The following RIOX2 variants were observed in gnomAD, a reference collection of about 807,000 sequenced individuals.
The protein encoded by RIOX2 is ribosomal oxygenase 2.
A neutral mutation model predicts 51.2 loss-of-function variants in RIOX2; 43 were observed. The observed-to-expected ratio is 0.84, with a 90% confidence interval of 0.66 to 1.08. RIOX2 has a LOEUF of 1.08. Among genes scored for constraint, RIOX2 ranks in the 50% least tolerant of loss-of-function variants. The probability of loss-of-function intolerance (pLI) is 0.00; values close to 1 mark genes in which losing one functional copy is unlikely to be tolerated. For synonymous variants in RIOX2, 226 were observed against 218.5 expected, an observed-to-expected ratio of 1.03 and a Z score of -0.30; for missense variants, 566 against 561.7, an observed-to-expected ratio of 1.01 and a Z score of -0.08.
chr3:97,968,959 T>C (rs1013640428), intron 1 of RIOX2, among the ~76,000 whole-genome samples: 1 of 152,254 alleles, frequency 6.6e-6, no homozygotes, highest in Non-Finnish European at 1.5e-5. Flanking sequence ...GTAGACTAAG[T>C]GGAATTAATG....
At chr3:97,956,844 T>G (rs1037540125) in intron 4 of RIOX2, among the ~76,000 whole-genome samples, 5 of 152,196 alleles carry the variant, frequency 3.3e-5, no homozygotes, top group African/African-American at 1.2e-4. Context: ...TCAATCCTCA[T>G]AGCCTGCAAG....
At position 97,962,173 on chromosome 3, in the gene RIOX2, A is replaced by T. The variant is rs140180114; in HGVS notation, c.433-465T>A. Among the ~76,000 whole-genome samples, 250 of 152,302 alleles carry T rather than the reference A, an allele frequency of 1.6e-3. 2 individuals are homozygous for T. Among genetic ancestry groups the T allele is most frequent in the Non-Finnish European group, 2.6e-3 (175 of 68,018 alleles). Reference sequence around the variant, plus strand: ...GTGGGATGCACTCTAGAAGCAGCACAGACAGGACTTGCCGACAGACTCAAT... The same window carrying T: ...GTGGGATGCACTCTAGAAGCAGCACTGACAGGACTTGCCGACAGACTCAAT... On this transcript the variant is annotated intron_variant, in intron 2 of 9. Coordinates refer to ENST00000394198, the MANE Select transcript of RIOX2 (RefSeq NM_153182.4).
chr3:97,943,190 A>C lies in RIOX2; in HGVS notation c.*1994T>G. On this transcript the variant is annotated 3_prime_UTR_variant, in exon 10 of 10. Coordinates refer to ENST00000394198, the MANE Select transcript of RIOX2 (RefSeq NM_153182.4). ...TGTGAAATTGCTAAGCACCTGCCTG[A>C]ACAAATAATCTTTTCTTTTGGAATT... The C allele has an allele frequency of 7.9e-7, 1 of 1,265,514 alleles. No homozygotes were observed. The highest frequency in any genetic ancestry group is 1.5e-5 in the African/African-American group (1 of 66,864). The allele number at this position is 1,265,514 out of a possible 1,614,324, so 78.4% of individuals were successfully genotyped here.
intron 4 of RIOX2, among the ~76,000 whole-genome samples, chr3:97,956,820 C>A (rs537169712): frequency 6.6e-6 from 1 of 152,198 alleles, no homozygotes; most frequent in African/African-American, 2.4e-5. Context: ...AAGGAGGCAG[C>A]AAAATAATAT....
chr3:97,943,182 C>A lies in RIOX2; in HGVS notation c.*2002G>T. 1 of 1,130,280 alleles carries A rather than the reference C, an allele frequency of 8.8e-7. No individual in the cohort carries two copies. The highest frequency in any genetic ancestry group is 1.3e-6 in the Non-Finnish European group (1 of 756,912). The allele number at this position is 1,130,280 out of a possible 1,614,324, so 70.0% of individuals were successfully genotyped here. A position where few individuals can be genotyped will look rare whatever the true frequency, so the allele number is the denominator to read the frequency against. On this transcript the variant is annotated 3_prime_UTR_variant, in exon 10 of 10. Coordinates refer to ENST00000394198, the MANE Select transcript of RIOX2 (RefSeq NM_153182.4). ...GTGAAAATTGTGAAATTGCTAAGCA[C>A]CTGCCTGAACAAATAATCTTTTCTT...
rs1193229225 is a variant in RIOX2, at chr3:97,942,119, AGAC to A, written c.*3062_*3064del. ...CATCTCCTACCCACAGCCGTAAAGA[AGAC>A]ATTAAAAAAGGCTTACTGAAATTAT... is the stretch of plus-strand genomic sequence containing the variant. On this transcript the variant is annotated 3_prime_UTR_variant, in exon 10 of 10. Coordinates refer to ENST00000394198, the MANE Select transcript of RIOX2 (RefSeq NM_153182.4). 6.4e-6 allele frequency: 3 copies of A among 465,860 alleles called. No individual in the cohort carries two copies. Among genetic ancestry groups the A allele is most frequent in the Non-Finnish European group, 1.1e-5 (3 of 277,600 alleles). 28.9% of individuals were successfully genotyped at this position (465,860 alleles called of 1,614,324 possible).
intron 4 of RIOX2, among the ~76,000 whole-genome samples, chr3:97,958,432 T>C (rs1180402158): frequency 6.6e-6 from 1 of 152,228 alleles, no homozygotes; most frequent in Non-Finnish European, 1.5e-5. Flanking sequence ...CGATGTTAAC[T>C]GCTCAAAGAC....
chr3:97,957,760 T>A (rs1344845872), intron 4 of RIOX2, among the ~76,000 whole-genome samples: 1 of 152,186 alleles, frequency 6.6e-6, no homozygotes, highest in Non-Finnish European at 1.5e-5. Flanking sequence ...AGAGTACAGA[T>A]GGCTTAGTCT....
intron 7 of RIOX2, among the ~76,000 whole-genome samples, chr3:97,949,605 G>A (rs1705161144): frequency 6.6e-6 from 1 of 151,874 alleles, no homozygotes; most frequent in Non-Finnish European, 1.5e-5. Context: ...AAAAGGACAG[G>A]GCTCTTATTT....
chr3:97,962,551 A>ACTATCAACT (rs2107182868), intron 2 of RIOX2, among the ~76,000 whole-genome samples: 1 of 152,278 alleles, frequency 6.6e-6, no homozygotes, highest in South Asian at 2.1e-4. Context: ...CCTTCTCTCC[A>ACTATCAACT]CTATCAACTC....
rs760534197 is a variant in RIOX2, at chr3:97,945,251, G to GT, written c.1330dup (p.Thr444AsnfsTer4). The GT allele has an allele frequency of 5.0e-6, 8 of 1,612,684 alleles. No individual in the cohort carries two copies. Among genetic ancestry groups the GT allele is most frequent in the South Asian group, 1.1e-5 (1 of 91,022 alleles). ...CAGGCTTTCCTTTTCCTCATCTGTA[G>GT]TAAGTTTCAGGTCCTTGACAGAAAT... is the stretch of plus-strand genomic sequence containing the variant. On this transcript the variant is annotated frameshift_variant, in exon 10 of 10. Coordinates refer to ENST00000394198, the MANE Select transcript of RIOX2 (RefSeq NM_153182.4). LOFTEE classifies it high-confidence loss of function.
rs1002933649 is a variant in RIOX2 at position 97,945,001 on chromosome 3, G to C, written c.*183C>G. 6 of 444,424 alleles carry C rather than the reference G, an allele frequency of 1.4e-5. No individual in the cohort carries two copies. Among genetic ancestry groups the C allele is most frequent in the African/African-American group, 4.1e-5 (2 of 48,920 alleles). 27.5% of individuals were successfully genotyped at this position (444,424 alleles called of 1,614,324 possible). ...TTTCTGAGACACTTGGTAATTTGCT[G>C]TTCTTTCTTTCATGTGCCCGTTAGT... On this transcript the variant is annotated 3_prime_UTR_variant, in exon 10 of 10. Coordinates refer to ENST00000394198, the MANE Select transcript of RIOX2 (RefSeq NM_153182.4).
intron 1 of RIOX2, 109 bp from the exon 2 acceptor site, chr3:97,967,741 C>T: frequency 2.7e-6 from 2 of 751,138 alleles, no homozygotes; most frequent in Non-Finnish European, 2.1e-6. Context: ...TTCGTGAGAA[C>T]TCTTCATAGG....
chr3:97,950,856 G>A lies in RIOX2; in HGVS notation c.818C>T (p.Ser273Leu), dbSNP rs762443916. 54 of 1,613,486 alleles carry A rather than the reference G, an allele frequency of 3.3e-5. No individual in the cohort carries two copies. Among genetic ancestry groups the A allele is most frequent in the South Asian group, 8.8e-5 (8 of 91,054 alleles). ...CTTTGCAGTATCAAATACAAGCCCC[G>A]AGATGGTATCCAAAAGGAAATCTCC... ...SWGDFLLDTI[S>L]GLVFDTAKED... The change falls in exon 6 of 10, where the codon TCG (serine) becomes TTG (leucine). Residue 273 changes from serine (S) to leucine (L), a missense_variant. Physicochemically the swap from Ser to Leu is moderately radical, Grantham distance 145. Coordinates refer to ENST00000394198, the MANE Select transcript of RIOX2 (RefSeq NM_153182.4).
At chr3:97,958,983 C>A in intron 4 of RIOX2, 68 bp downstream of exon 4, 2 of 1,492,890 alleles carry the variant, frequency 1.3e-6, no homozygotes, top group Non-Finnish European at 1.8e-6. Flanking sequence ...TGAGCCTGAA[C>A]TTGTCTTAGC....
intron 3 of RIOX2, among the ~76,000 whole-genome samples, chr3:97,960,671 A>T (rs1431913430): frequency 1.3e-5 from 2 of 152,240 alleles, no homozygotes; most frequent in Non-Finnish European, 2.9e-5. Context: ...TTTATTTTTA[A>T]AAACGGAATC....
At chr3:97,951,041 C>G in intron 5 of RIOX2, 153 bp from the exon 6 acceptor site, 1 of 603,020 alleles carries the variant, frequency 1.7e-6, no homozygotes, top group East Asian at 2.8e-5. Flanking sequence ...GGACATTACT[C>G]AGCATGGAAA....
chr3:97,943,411 C>T lies in RIOX2; in HGVS notation c.*1773G>A. Reference sequence around the variant, plus strand: ...CGTGGAAAGGAAGCTACTGTCCTCACACTCCTGGATCACTGAGCAGAATGA... The same window carrying T: ...CGTGGAAAGGAAGCTACTGTCCTCATACTCCTGGATCACTGAGCAGAATGA... On this transcript the variant is annotated 3_prime_UTR_variant, in exon 10 of 10. Coordinates refer to ENST00000394198, the MANE Select transcript of RIOX2 (RefSeq NM_153182.4). 1.4e-6 allele frequency: 1 copy of T among 720,560 alleles called. No homozygotes were observed. Among genetic ancestry groups the T allele is most frequent in the Non-Finnish European group, 2.4e-6 (1 of 411,760 alleles). 44.6% of individuals were successfully genotyped at this position (720,560 alleles called of 1,614,324 possible).
rs1705219162 is a variant in RIOX2, at chr3:97,950,862, GTA to G, written c.810_811del (p.Thr271HisfsTer7). Reference sequence around the variant, plus strand: ...AGTATCAAATACAAGCCCCGAGATGGTATCCAAAAGGAAATCTCCCCATGAAC... The same window carrying G: ...AGTATCAAATACAAGCCCCGAGATGGTCCAAAAGGAAATCTCCCCATGAAC... On this transcript the variant is annotated frameshift_variant, in exon 6 of 10. Transcript: ENST00000394198. LOFTEE classifies it high-confidence loss of function. 1 of 1,613,416 alleles carries G rather than the reference GTA, an allele frequency of 6.2e-7. No homozygotes were observed. Among genetic ancestry groups the G allele is most frequent in the African/African-American group, 1.3e-5 (1 of 74,790 alleles).
Sources: allele counts gnomAD v4.1 joint callset (sites outside exome capture counted in the v4.1 genomes callset), GRCh38; gene constraint gnomAD v4.1.1; transcripts MANE v1.5; gene names NCBI Gene and HGNC (gene_info 2026-07-23, HGNC 2026-07-21).